CCDC91: variants seen among roughly 807,000 people sequenced by gnomAD.
The protein encoded by CCDC91 is coiled-coil domain-containing protein 91.
In CCDC91, 48 loss-of-function variants were observed where a neutral mutation model predicts 63.2. The observed-to-expected ratio is 0.76, with a 90% CI of 0.60 to 0.97. The LOEUF (loss-of-function observed/expected upper bound fraction) is 0.97, where lower values mean the gene tolerates loss of function less well. Ranked by LOEUF, CCDC91 falls within the 50% of genes least tolerant of loss-of-function variation. CCDC91 has a pLI of 0.00. For missense variants in CCDC91, 500 were observed against 494.6 expected, an observed-to-expected ratio of 1.01 and a Z score of -0.10; for synonymous variants, 167 against 165.8, an observed-to-expected ratio of 1.01 and a Z score of -0.06.
chr12:28,429,018 TG>T (rs1185476044), intron 8 of CCDC91, among the ~76,000 whole-genome samples: 1 of 152,174 alleles, frequency 6.6e-6, no homozygotes, highest in Non-Finnish European at 1.5e-5. Flanking sequence ...AGTCCATTAC[TG>T]GTCTGTGTAA....
intron 6 of CCDC91, among the ~76,000 whole-genome samples, chr12:28,351,961 C>T (rs923984968): frequency 6.6e-6 from 1 of 152,158 alleles, no homozygotes; most frequent in Non-Finnish European, 1.5e-5. Context: ...TAACCCTATA[C>T]AGGCATGCCT....
intron 3 of CCDC91, among the ~76,000 whole-genome samples, chr12:28,278,703 TG>T (rs1301319104): frequency 1.3e-5 from 2 of 152,098 alleles, no homozygotes; most frequent in African/African-American, 4.8e-5. Context: ...AAACACATCC[TG>T]TGGTTTCATG....
At chr12:28,371,455 T>C (rs1944617233) in intron 7 of CCDC91, among the ~76,000 whole-genome samples, 1 of 152,216 alleles carries the variant, frequency 6.6e-6, no homozygotes, top group South Asian at 2.1e-4. Flanking sequence ...CATGATACCG[T>C]TTCCTGGTGC....
intron 7 of CCDC91, among the ~76,000 whole-genome samples, chr12:28,386,603 G>A (rs1389072146): frequency 4.6e-5 from 7 of 152,198 alleles, no homozygotes; most frequent in African/African-American, 9.6e-5. Context: ...TGCCAACATC[G>A]TGATCCGCCC....
At chr12:28,465,204 C>A (rs1271511260) in intron 11 of CCDC91, among the ~76,000 whole-genome samples, 1 of 152,130 alleles carries the variant, frequency 6.6e-6, no homozygotes, top group African/African-American at 2.4e-5. Context: ...TAATGGAACA[C>A]CAGGTAGATG....
At chr12:28,298,963 G>T (rs1216624209) in intron 3 of CCDC91, among the ~76,000 whole-genome samples, 1 of 151,462 alleles carries the variant, frequency 6.6e-6, no homozygotes, top group Non-Finnish European at 1.5e-5. Context: ...CACAACTCAG[G>T]TACCCATCTT....
At chr12:28,424,741 A>T (rs1164215904) in intron 8 of CCDC91, among the ~76,000 whole-genome samples, 2 of 152,148 alleles carry the variant, frequency 1.3e-5, no homozygotes, top group Non-Finnish European at 2.9e-5. Flanking sequence ...TTAGCTAAAC[A>T]ATATCCCGAA....
At chr12:28,279,635 T>C (rs1565723488) in intron 3 of CCDC91, among the ~76,000 whole-genome samples, 1 of 152,100 alleles carries the variant, frequency 6.6e-6, no homozygotes, top group Non-Finnish European at 1.5e-5. Context: ...CCTCCAGCTC[T>C]TTCAATTATG....
chr12:28,491,903 G>A (rs1444852354), intron 12 of CCDC91, among the ~76,000 whole-genome samples: 3 of 148,626 alleles, frequency 2.0e-5, no homozygotes, highest in Non-Finnish European at 3.0e-5. Flanking sequence ...GTGTGAAGGT[G>A]TAGGTGTATG....
intron 12 of CCDC91, among the ~76,000 whole-genome samples, chr12:28,536,041 AAAT>A (rs1011923019): frequency 2.0e-5 from 3 of 151,300 alleles, no homozygotes; most frequent in Non-Finnish European, 4.4e-5. Context: ...AAAAAAAAAA[AAAT>A]ATATATTGTG....
At chr12:28,529,050 TA>T (rs1252670053) in intron 12 of CCDC91, among the ~76,000 whole-genome samples, 1 of 152,132 alleles carries the variant, frequency 6.6e-6, no homozygotes, top group African/African-American at 2.4e-5. Flanking sequence ...TATATTTAAA[TA>T]AGCAAAGGAA....
At chr12:28,528,384 A>G (rs921590143) in intron 12 of CCDC91, among the ~76,000 whole-genome samples, 2 of 152,078 alleles carry the variant, frequency 1.3e-5, no homozygotes, top group Non-Finnish European at 2.9e-5. Context: ...TTTTCCCATC[A>G]TCTAGAGCTT....
Position 28,213,470 on chromosome 12 carries a change from A to G in CCDC91, c.-15+22829A>G, listed in dbSNP as rs1474527838. Among the ~76,000 whole-genome samples, 3 of 152,240 alleles carry G rather than the reference A, an allele frequency of 2.0e-5. No individual in the cohort carries two copies. In the East Asian group the frequency reaches 5.8e-4, roughly 29 times the overall value. On this transcript the variant is annotated intron_variant, in intron 1 of 12. Coordinates refer to ENST00000536442, the MANE Select transcript of CCDC91 (RefSeq NM_018318.5). ...AATGTCAGAAGGAACATAAAGCTGGATCAGACCAAATCTATTGATATGGGC... is the reference window on the plus strand; with the variant it reads ...AATGTCAGAAGGAACATAAAGCTGGGTCAGACCAAATCTATTGATATGGGC...
chr12:28,252,254 T>TC (rs1946164127), intron 1 of CCDC91, among the ~76,000 whole-genome samples: 1 of 151,926 alleles, frequency 6.6e-6, no homozygotes, highest in South Asian at 2.1e-4. Context: ...GGGTTTTTTT[T>TC]CTTCTTTTTT....
In CCDC91 at chr12:28,301,420, G is replaced by A. The variant is rs1374449883; in HGVS notation, c.110-4229G>A. 2.0e-5 allele frequency among the ~76,000 whole-genome samples: 3 copies of A among 150,438 alleles called. No individual in the cohort carries two copies. The East Asian group carries it at 5.9e-4, about 29-fold the overall frequency. On this transcript the variant is annotated intron_variant, in intron 3 of 12. Coordinates refer to ENST00000536442, the MANE Select transcript of CCDC91 (RefSeq NM_018318.5). Reference sequence around the variant, plus strand: ...TTGCATTCCTGGAGTAAGTTCTATTGGTTCATTACATATCATTTTAATATG... The same window carrying A: ...TTGCATTCCTGGAGTAAGTTCTATTAGTTCATTACATATCATTTTAATATG...
intron 11 of CCDC91, among the ~76,000 whole-genome samples, chr12:28,482,753 T>A (rs981513031): frequency 6.6e-6 from 1 of 151,906 alleles, no homozygotes; most frequent in Non-Finnish European, 1.5e-5. Flanking sequence ...TTAAATCCTT[T>A]GGCCAAAAAT....
At chr12:28,484,892 G>T (rs1049714096) in intron 12 of CCDC91, among the ~76,000 whole-genome samples, 1 of 149,900 alleles carries the variant, frequency 6.7e-6, no homozygotes, top group African/African-American at 2.4e-5. Flanking sequence ...AGTGTTTTAG[G>T]ATGTTTATAT....
At chr12:28,334,105 T>C (rs1565813189) in intron 6 of CCDC91, among the ~76,000 whole-genome samples, 1 of 151,976 alleles carries the variant, frequency 6.6e-6, no homozygotes, top group African/African-American at 2.4e-5. Context: ...CCTTAAAGTA[T>C]CAAGTGCAGG....
intron 11 of CCDC91, among the ~76,000 whole-genome samples, chr12:28,464,873 C>G (rs1345596595): frequency 6.6e-6 from 1 of 152,052 alleles, no homozygotes; most frequent in African/African-American, 2.4e-5. Context: ...GGGTAGAGCA[C>G]CAAGTAGACC....
Sources: gnomAD v4.1 joint callset for allele counts (sites outside exome capture counted in the v4.1 genomes callset) on GRCh38, gnomAD v4.1.1 for gene constraint, MANE v1.5 for transcripts, NCBI Gene and HGNC (gene_info 2026-07-23, HGNC 2026-07-21) for gene names.